The following COL3A1 variants were observed in gnomAD, a reference collection of about 807,000 sequenced individuals.
The protein encoded by COL3A1 is collagen alpha-1(III) chain.
In COL3A1, 46 loss-of-function variants were observed where a neutral mutation model predicts 200.9. That is an observed-to-expected ratio of 0.23 (90% CI 0.18 to 0.29). The LOEUF (loss-of-function observed/expected upper bound fraction) is 0.29, where lower values mean the gene tolerates loss of function less well. COL3A1 is among the 10% of genes least tolerant of loss of function. The pLI, the probability that COL3A1 is intolerant of heterozygous loss-of-function variation, is 1.00. For synonymous variants in COL3A1, 650 were observed against 628.0 expected, an observed-to-expected ratio of 1.03 and a Z score of -0.52; for missense variants, 1,367 against 1,917.6, an observed-to-expected ratio of 0.71 and a Z score of 5.36.
chr2:188,975,986 CT>C (rs959378888), intron 1 of COL3A1, among the ~76,000 whole-genome samples: 1 of 151,638 alleles, frequency 6.6e-6, no homozygotes, highest in African/African-American at 2.4e-5. Context: ...GCCTCCATTT[CT>C]TTTTTTTAGT....
At chr2:189,008,826 A>ATGAATTAT in intron 47 of COL3A1, 98 bp from the exon 48 acceptor site, 1 of 1,305,052 alleles carries the variant, frequency 7.7e-7, no homozygotes, top group Non-Finnish European at 1.1e-6. Flanking sequence ...GACACAATGA[A>ATGAATTAT]TGAATTATTT....
intron 45 of COL3A1, 110 bp downstream of exon 45, chr2:189,007,717 G>T (rs1176123221): frequency 4.8e-6 from 6 of 1,238,546 alleles, no homozygotes; most frequent in Middle Eastern, 2.1e-4. Flanking sequence ...GATGAGAAAT[G>T]GATTTGAAGG....
chr2:189,007,103 A>G (rs551318890), intron 44 of COL3A1, 113 bp downstream of exon 44: 1 of 76,758 alleles, frequency 1.3e-5, no homozygotes, highest in East Asian at 2.8e-4. Context: ...ATGAATATAT[A>G]TATATATATA....
At chr2:188,992,156 G>T in intron 13 of COL3A1, 28 bp from the exon 14 acceptor site, 1 of 1,612,782 alleles carries the variant, frequency 6.2e-7, no homozygotes, top group Non-Finnish European at 8.5e-7. Context: ...GAATTAAAAG[G>T]ATATTTGATG....
At chr2:188,988,812 G>A (rs909832476) in intron 7 of COL3A1, among the ~76,000 whole-genome samples, 169 bp downstream of exon 7, 1 of 151,906 alleles carries the variant, frequency 6.6e-6, no homozygotes, top group South Asian at 2.1e-4. Flanking sequence ...TCAATTGTTA[G>A]CTATCTTAGA....
At chr2:189,003,666 T>C (rs912090836) in intron 37 of COL3A1, 68 bp from the exon 38 acceptor site, 1 of 1,532,914 alleles carries the variant, frequency 6.5e-7, no homozygotes, top group Non-Finnish European at 9.0e-7. Flanking sequence ...CCACACATTA[T>C]ACTTTTTGTT....
rs1254250898 is a variant in COL3A1 at position 188,994,112 on chromosome 2, T to C, written c.1194+30T>C. ...GCTGTCCCCACTCCTCAGCCTTATCTCATCCACACATTACTGGCTTCTTTT... is the reference window on the plus strand; with the variant it reads ...GCTGTCCCCACTCCTCAGCCTTATCCCATCCACACATTACTGGCTTCTTTT... On this transcript the variant is annotated intron_variant, in intron 17 of 50. Coordinates refer to ENST00000304636, the MANE Select transcript of COL3A1 (RefSeq NM_000090.4). This position sits in a 1 kb window ranked among gnomAD's most constrained non-coding sequence, Gnocchi z 4.5. 6.2e-7 allele frequency: 1 copy of C among 1,613,852 alleles called. No individual in the cohort carries two copies. Among genetic ancestry groups the C allele is most frequent in the Admixed American group, 1.7e-5 (1 of 60,024 alleles).
Position 188,988,629 on chromosome 2 carries a change from C to A in COL3A1, c.622C>A (p.Gln208Lys), listed in dbSNP as rs746358771. ...CCAAGGACCCCCTGGTGAACCTGGG[C>A]AAGCTGGTCCTTCAGTAAGTAACAA... ...GYQGPPGEPGQAGPSGPPGPP... is the reference protein window; with the variant it reads ...GYQGPPGEPGKAGPSGPPGPP... The change falls in exon 7 of 51, where the codon CAA (glutamine) becomes AAA (lysine). Residue 208 changes from glutamine to lysine, a missense_variant. Transcript: ENST00000304636. 7 of 1,606,024 alleles carry A rather than the reference C, an allele frequency of 4.4e-6. No homozygotes were observed. Among genetic ancestry groups the A allele is most frequent in the African/African-American group, 2.7e-5 (2 of 74,718 alleles).
intron 41 of COL3A1, among the ~76,000 whole-genome samples, chr2:189,005,872 C>A (rs1159458115): frequency 6.6e-6 from 1 of 151,890 alleles, no homozygotes; most frequent in East Asian, 1.9e-4. Context: ...TATATGTATA[C>A]AATGTGGAAT....
chr2:188,998,124 T>G, intron 27 of COL3A1, 142 bp from the exon 28 acceptor site: 5 of 743,992 alleles, frequency 6.7e-6, no homozygotes, highest in Non-Finnish European at 1.2e-5. Context: ...TGTCACTGGA[T>G]TTTGAGTGGC....
chr2:188,989,421 T>C lies in COL3A1; in HGVS notation c.662T>C (p.Ile221Thr), dbSNP rs1292374680. The C allele has an allele frequency of 6.2e-7, 1 of 1,607,174 alleles. No homozygotes were observed. The highest frequency in any genetic ancestry group is 8.5e-7 in the Non-Finnish European group (1 of 1,176,624). ...PSGPPGPPGA[I>T]GPSGPAGKDG... ...GGCCCTCCAGGACCTCCTGGTGCTA[T>C]AGGTCCATCTGGTCCTGCTGGAAAA... Residue 221 changes from isoleucine (I) to threonine (T), a missense_variant, in exon 8 of 51, where the codon ATA becomes ACA. Transcript: ENST00000304636.
At chr2:188,976,287 G>A (rs183513417) in intron 1 of COL3A1, among the ~76,000 whole-genome samples, 1 of 133,282 alleles carries the variant, frequency 7.5e-6, no homozygotes, top group East Asian at 1.9e-4. Context: ...CAACTTTAGT[G>A]GGGGGGTGTT....
At chr2:188,984,723 C>T in intron 1 of COL3A1, 37 bp from the exon 2 acceptor site, 2 of 1,597,214 alleles carry the variant, frequency 1.3e-6, no homozygotes, top group Non-Finnish European at 1.7e-6. Flanking sequence ...TTCAGCAAAA[C>T]CTAAGGAAAC....
In COL3A1 at chr2:188,994,679, A is replaced by T. The variant is rs766465956; in HGVS notation, c.1348-45A>T. On this transcript the variant is annotated intron_variant, in intron 19 of 50. Coordinates refer to ENST00000304636, the MANE Select transcript of COL3A1 (RefSeq NM_000090.4). This position sits in a 1 kb window ranked among gnomAD's most constrained non-coding sequence, Gnocchi z 4.5. ...TAAACAGGTAAAAACTTTGAACTAA[A>T]TTCAGTCATAATTTCTTTATTTTAC... 8 of 1,611,978 alleles carry T rather than the reference A, an allele frequency of 5.0e-6. No individual in the cohort carries two copies. The highest frequency in any genetic ancestry group is 6.8e-6 in the Non-Finnish European group (8 of 1,178,410).
intron 27 of COL3A1, among the ~76,000 whole-genome samples, 190 bp from the exon 28 acceptor site, chr2:188,998,076 G>T (rs1214164883): frequency 6.6e-6 from 1 of 152,192 alleles, no homozygotes; most frequent in Non-Finnish European, 1.5e-5. Flanking sequence ...AACAGAGAGA[G>T]ATGAAAATGG....
chr2:189,006,511 G>A, intron 43 of COL3A1, 59 bp downstream of exon 43: 1 of 1,525,278 alleles, frequency 6.6e-7, no homozygotes, highest in Admixed American at 1.8e-5. Context: ...AAAGACATTT[G>A]TAGGTAGAAG....
At chr2:188,997,414 A>G (rs1421339885) in intron 26 of COL3A1, 25 bp downstream of exon 26, 1 of 1,605,858 alleles carries the variant, frequency 6.2e-7, no homozygotes, top group Non-Finnish European at 8.5e-7. Flanking sequence ...ATAAAATTGG[A>G]GATGAAAATA....
chr2:188,994,455 A>T lies in COL3A1; in HGVS notation c.1294-86A>T. 1 of 1,572,862 alleles carries T rather than the reference A, an allele frequency of 6.4e-7. No individual in the cohort carries two copies. Among genetic ancestry groups the T allele is most frequent in the Non-Finnish European group, 8.7e-7 (1 of 1,143,446 alleles). On this transcript the variant is annotated intron_variant, in intron 18 of 50. Transcript: ENST00000304636. The surrounding 1 kb of genome is among the most constrained non-coding windows in gnomAD (Gnocchi z 4.5). The stretch of plus-strand genomic sequence containing the variant: ...TATATTGACTTCACTCTTGTCTTAT[A>T]ACTTATAACTGAATTATGTGTTACT...
chr2:189,006,952 G>A lies in COL3A1; in HGVS notation c.3217G>A (p.Ala1073Thr), dbSNP rs1553509489. Reference protein sequence around the residue: ...DRGESGPAGPAGAPGPAGSRG... With the variant: ...DRGESGPAGPTGAPGPAGSRG... Reference sequence around the variant, plus strand: ...TTCATCTTAGGGCCCTGCTGGCCCTGCTGGTGCTCCCGGTCCTGCTGGTTC... The same window carrying A: ...TTCATCTTAGGGCCCTGCTGGCCCTACTGGTGCTCCCGGTCCTGCTGGTTC... Residue 1073 changes from alanine to threonine, a missense_variant, in exon 44 of 51, where the codon GCT becomes ACT. Ala to Thr is a moderately conservative substitution (Grantham distance 58). Around this residue, in one of 5 missense-constraint regions of COL3A1, gnomAD observed 846 missense variants for 1,147.9 expected, o/e 0.74. Coordinates refer to ENST00000304636, the MANE Select transcript of COL3A1 (RefSeq NM_000090.4). 1.2e-6 allele frequency: 2 copies of A among 1,613,326 alleles called. No homozygotes were observed. The highest frequency in any genetic ancestry group is 1.7e-6 in the Non-Finnish European group (2 of 1,179,798).
Sources: gnomAD v4.1 joint callset for allele counts (sites outside exome capture counted in the v4.1 genomes callset) on GRCh38, gnomAD v4.1.1 for gene constraint, gnomAD v4.1.1 regional missense constraint, Gnocchi (gnomAD v3.1) non-coding constraint, MANE v1.5 for transcripts, NCBI Gene and HGNC (gene_info 2026-07-23, HGNC 2026-07-21) for gene names.